ADAMTS3: variants seen among roughly 807,000 people sequenced by gnomAD.
ADAMTS3 encodes the protein ADAM metallopeptidase with thrombospondin type 1 motif 3.
In ADAMTS3, 73 loss-of-function variants were observed where a neutral mutation model predicts 129.0. The ratio of observed to expected loss-of-function variants is 0.57; its 90% CI spans 0.47 to 0.69. The LOEUF (loss-of-function observed/expected upper bound fraction) is 0.69. ADAMTS3 is among the 30% of genes least tolerant of loss of function. ADAMTS3 has a pLI of 0.00. For missense variants in ADAMTS3, 1,457 were observed against 1,514.5 expected, an observed-to-expected ratio of 0.96 and a Z score of 0.63; for synonymous variants, 477 against 510.8, an observed-to-expected ratio of 0.93 and a Z score of 0.89.
chr4:72,508,915 T>C (rs1403140659), intron 3 of ADAMTS3, among the ~76,000 whole-genome samples: 2 of 152,064 alleles, frequency 1.3e-5, no homozygotes, highest in African/African-American at 4.8e-5. Flanking sequence ...ATTGAAATAA[T>C]ATCAAGCATC....
At chr4:72,550,104 AAGAAGAAGAAGAAGGCAT>A (rs1721606178) in intron 2 of ADAMTS3, among the ~76,000 whole-genome samples, 1 of 137,058 alleles carries the variant, frequency 7.3e-6, no homozygotes, top group Non-Finnish European at 1.6e-5. Context: ...GAAGAAGAAG[AAGAAGAAGAAGAAGGCAT>A]AGAAAGGGAA....
At chr4:72,496,061 A>C (rs1719866725) in intron 3 of ADAMTS3, among the ~76,000 whole-genome samples, 1 of 152,172 alleles carries the variant, frequency 6.6e-6, no homozygotes, top group African/African-American at 2.4e-5. Flanking sequence ...AATCTTTTGA[A>C]ATGAGTTGTA....
intron 2 of ADAMTS3, among the ~76,000 whole-genome samples, chr4:72,566,702 C>T (rs1209180546): frequency 6.6e-6 from 1 of 152,184 alleles, no homozygotes; most frequent in Non-Finnish European, 1.5e-5. Context: ...ATACATTATT[C>T]TAAACAGCTT....
intron 6 of ADAMTS3, 36 bp from the exon 7 acceptor site, chr4:72,320,906 A>T: frequency 6.3e-7 from 1 of 1,587,330 alleles, no homozygotes; most frequent in Non-Finnish European, 8.6e-7. Context: ...CACACCTGAC[A>T]ATTTCCCAAA....
chr4:72,384,360 C>T (rs547538159), intron 4 of ADAMTS3, among the ~76,000 whole-genome samples: 1 of 152,224 alleles, frequency 6.6e-6, no homozygotes, highest in South Asian at 2.1e-4. Context: ...CACACATGGG[C>T]AGTTTTTAGT....
chr4:72,544,763 A>T (rs1417101700), intron 3 of ADAMTS3, among the ~76,000 whole-genome samples: 1 of 152,230 alleles, frequency 6.6e-6, no homozygotes, highest in Non-Finnish European at 1.5e-5. Context: ...TTTTCATGGC[A>T]TTAAAAAGAA....
chr4:72,551,175 G>A (rs1014035553), intron 2 of ADAMTS3, among the ~76,000 whole-genome samples: 5 of 152,036 alleles, frequency 3.3e-5, no homozygotes, highest in African/African-American at 1.2e-4. Context: ...TCAATGTATG[G>A]ATTTCCCATC....
chr4:72,317,108 AT>A (rs1480207219), intron 10 of ADAMTS3, among the ~76,000 whole-genome samples: 4 of 152,202 alleles, frequency 2.6e-5, no homozygotes, highest in Admixed American at 2.6e-4. Flanking sequence ...ATTTTTAAAA[AT>A]ATCAAACAAC....
At chr4:72,538,597 T>C (rs1030587138) in intron 3 of ADAMTS3, among the ~76,000 whole-genome samples, 12 of 152,060 alleles carry the variant, frequency 7.9e-5, no homozygotes, top group Admixed American at 6.5e-4. Context: ...AAGGAGTTCA[T>C]TACCACTACA....
At chr4:72,317,025 A>G (rs1328659408) in intron 10 of ADAMTS3, among the ~76,000 whole-genome samples, 2 of 149,228 alleles carry the variant, frequency 1.3e-5, no homozygotes, top group African/African-American at 5.2e-5. Flanking sequence ...ATAAGCAAAC[A>G]TGTGTATTTG....
At chr4:72,402,835 A>T (rs1721958720) in intron 4 of ADAMTS3, among the ~76,000 whole-genome samples, 1 of 152,132 alleles carries the variant, frequency 6.6e-6, no homozygotes. Flanking sequence ...TTTCATAGGA[A>T]TGTCCATTAA....
chr4:72,396,920 A>G (rs1034515846), intron 4 of ADAMTS3, among the ~76,000 whole-genome samples: 1 of 152,194 alleles, frequency 6.6e-6, no homozygotes, highest in Non-Finnish European at 1.5e-5. Context: ...CATAATGATC[A>G]TGAACAACCT....
At chr4:72,430,902 T>C (rs1368889462) in intron 3 of ADAMTS3, among the ~76,000 whole-genome samples, 2 of 149,414 alleles carry the variant, frequency 1.3e-5, no homozygotes, top group African/African-American at 4.9e-5. Flanking sequence ...GAGATTATAA[T>C]ATAAATTAAA....
intron 3 of ADAMTS3, among the ~76,000 whole-genome samples, chr4:72,486,019 G>A (rs1719582214): frequency 6.6e-6 from 1 of 152,114 alleles, no homozygotes; most frequent in African/African-American, 2.4e-5. Context: ...ATAAATTTCT[G>A]TTGTTTAGAA....
intron 5 of ADAMTS3, among the ~76,000 whole-genome samples, chr4:72,327,967 T>G (rs377106940): frequency 1.3e-5 from 2 of 152,164 alleles, no homozygotes; most frequent in African/African-American, 4.8e-5. Context: ...GAAGAAAAAT[T>G]AAATAAGAAA....
intron 20 of ADAMTS3, among the ~76,000 whole-genome samples, chr4:72,289,340 C>T (rs947442877): frequency 1.3e-5 from 2 of 152,164 alleles, no homozygotes; most frequent in Non-Finnish European, 2.9e-5. Context: ...TGACAGTCCT[C>T]ACTTCTTTCT....
At position 72,501,872 on chromosome 4, in the gene ADAMTS3, G is replaced by A. The variant is rs187419651; in HGVS notation, c.504+46606C>T. ...TCTTTCCACATCTATTGAGATGATC[G>A]TATGATTTTCTTTCTAATTCTGTTT... On this transcript the variant is annotated intron_variant, in intron 3 of 21. Transcript: ENST00000286657. Among the ~76,000 whole-genome samples the A allele has an allele frequency of 5.1e-3, 781 of 152,070 alleles. 6 individuals are homozygous for A. Among genetic ancestry groups the A allele is most frequent in the African/African-American group, 0.018 (730 of 41,508 alleles).
intron 4 of ADAMTS3, among the ~76,000 whole-genome samples, chr4:72,374,669 T>C (rs1687387669): frequency 6.6e-6 from 1 of 152,246 alleles, no homozygotes; most frequent in Admixed American, 6.5e-5. Context: ...TATTGCTATT[T>C]CAGTTATACA....
intron 3 of ADAMTS3, among the ~76,000 whole-genome samples, chr4:72,447,141 A>G (rs1160868636): frequency 2.6e-5 from 4 of 151,760 alleles, no homozygotes; most frequent in Non-Finnish European, 5.9e-5. Context: ...TGCTCTAAGT[A>G]GAAGAACAGA....
Sources: allele counts gnomAD v4.1 joint callset (sites outside exome capture counted in the v4.1 genomes callset), GRCh38; gene constraint gnomAD v4.1.1; transcripts MANE v1.5; gene names NCBI Gene and HGNC (gene_info 2026-07-23, HGNC 2026-07-21).